Variants in MAPK10 observed in about 807,000 individuals in gnomAD.
The protein encoded by MAPK10 is mitogen-activated protein kinase 10.
A neutral mutation model predicts 59.3 loss-of-function variants in MAPK10; 25 were observed. That is an observed-to-expected ratio of 0.42 (90% CI 0.31 to 0.59). The LOEUF is 0.59. Ranked by LOEUF, MAPK10 falls within the 20% of genes least tolerant of loss-of-function variation. The pLI, the probability that MAPK10 is intolerant of heterozygous loss-of-function variation, is 0.15. For synonymous variants in MAPK10, 190 were observed against 200.5 expected (o/e 0.95, Z 0.44); for missense variants, 351 against 568.9 (o/e 0.62, Z 3.90).
chr4:86,137,436 T>G (rs2149164652), intron 4 of MAPK10, among the ~76,000 whole-genome samples: 1 of 136,590 alleles, frequency 7.3e-6, no homozygotes, highest in Non-Finnish European at 1.5e-5. Flanking sequence ...GAATGACTAC[T>G]GGGTACATAA....
chr4:86,102,182 C>A, intron 6 of MAPK10, 150 bp from the exon 7 acceptor site: 3 of 679,430 alleles, frequency 4.4e-6, no homozygotes, highest in Non-Finnish European at 7.7e-6. Context: ...CCAGGTATTG[C>A]ATGTGTGTTA....
chr4:86,478,974 C>T (rs995546839), intron 1 of MAPK10, among the ~76,000 whole-genome samples: 4 of 152,192 alleles, frequency 2.6e-5, no homozygotes, highest in South Asian at 2.1e-4. Flanking sequence ...CCCTTCCCTA[C>T]ACATGAAGCT....
chr4:86,501,965 A>G (rs1279830395), intron 1 of MAPK10, among the ~76,000 whole-genome samples: 1 of 152,104 alleles, frequency 6.6e-6, no homozygotes, highest in African/African-American at 2.4e-5. Flanking sequence ...AGTAAAGACT[A>G]TTATGGAAAT....
At chr4:86,447,238 T>A (rs1286359238) in intron 1 of MAPK10, among the ~76,000 whole-genome samples, 2 of 152,072 alleles carry the variant, frequency 1.3e-5, no homozygotes, top group African/African-American at 4.8e-5. Flanking sequence ...ATCTGATGGT[T>A]TTTTAAGGGG....
At chr4:86,028,745 C>T (rs10004712) in intron 13 of MAPK10, 37,064 of 183,656 alleles carry the variant, frequency 0.2, 4,638 homozygotes, top group African/African-American at 0.35. Flanking sequence ...CCAAGCTGAC[C>T]TTAACCGGAG....
intron 1 of MAPK10, among the ~76,000 whole-genome samples, chr4:86,381,121 T>C (rs1740641071): frequency 6.6e-6 from 1 of 152,188 alleles, no homozygotes; most frequent in Non-Finnish European, 1.5e-5. Context: ...TGGAGACTTG[T>C]CTTCTCTTGG....
At chr4:86,377,853 C>A (rs916781658) in intron 1 of MAPK10, among the ~76,000 whole-genome samples, 1 of 152,092 alleles carries the variant, frequency 6.6e-6, no homozygotes, top group Non-Finnish European at 1.5e-5. Context: ...GGGCAGGAAG[C>A]ATCCAGCACA....
intron 3 of MAPK10, among the ~76,000 whole-genome samples, chr4:86,174,548 A>G (rs1397149583): frequency 1.3e-5 from 2 of 152,186 alleles, no homozygotes; most frequent in African/African-American, 2.4e-5. Context: ...TCATCATGGC[A>G]CATATTTACC....
At chr4:86,023,848 TATAA>T (rs1748745951) in intron 13 of MAPK10, 4 of 104,726 alleles carry the variant, frequency 3.8e-5, no homozygotes, top group East Asian at 3.4e-4. Flanking sequence ...TATATATATA[TATAA>T]AATGAATGTT....
At chr4:86,281,165 C>T (rs1563939159) in intron 2 of MAPK10, among the ~76,000 whole-genome samples, 2 of 152,072 alleles carry the variant, frequency 1.3e-5, no homozygotes, top group Admixed American at 1.3e-4. Context: ...CTAACCACAA[C>T]CATGCTGTGT....
At chr4:86,070,671 T>G (rs2149001104) in intron 9 of MAPK10, among the ~76,000 whole-genome samples, 1 of 151,312 alleles carries the variant, frequency 6.6e-6, no homozygotes, top group South Asian at 2.1e-4. Flanking sequence ...AATAGTTTAC[T>G]GAGAATGATG....
At chr4:86,337,095 G>A (rs138059753) in intron 2 of MAPK10, among the ~76,000 whole-genome samples, 1 of 152,056 alleles carries the variant, frequency 6.6e-6, no homozygotes, top group African/African-American at 2.4e-5. Context: ...GGCCAGGAAT[G>A]ATTTTTTAAT....
intron 4 of MAPK10, among the ~76,000 whole-genome samples, chr4:86,145,193 G>A (rs1161261114): frequency 6.6e-6 from 1 of 151,488 alleles, no homozygotes. Flanking sequence ...AGATTTCTTG[G>A]TCCATTCAAA....
chr4:86,060,130 G>A (rs1466195166), intron 11 of MAPK10, among the ~76,000 whole-genome samples: 1 of 152,162 alleles, frequency 6.6e-6, no homozygotes, highest in East Asian at 1.9e-4. Context: ...CCATCTTAGG[G>A]GATGGTTCTA....
At chr4:86,299,886 AT>A (rs2095436258) in intron 2 of MAPK10, among the ~76,000 whole-genome samples, 2 of 151,602 alleles carry the variant, frequency 1.3e-5, no homozygotes, top group African/African-American at 2.4e-5. Flanking sequence ...TACCTTTCTT[AT>A]TTTTTTTCTT....
intron 1 of MAPK10, among the ~76,000 whole-genome samples, chr4:86,409,460 G>A (rs1744839554): frequency 6.6e-6 from 1 of 152,056 alleles, no homozygotes; most frequent in Non-Finnish European, 1.5e-5. Context: ...AGCTTGATGG[G>A]GATAGCATTG....
At chr4:86,022,423 G>A (rs1747673826) in intron 13 of MAPK10, among the ~76,000 whole-genome samples, 1 of 152,046 alleles carries the variant, frequency 6.6e-6, no homozygotes, top group Admixed American at 6.6e-5. Context: ...AGCTCCTTTG[G>A]CCATTTTTTA....
intron 2 of MAPK10, among the ~76,000 whole-genome samples, chr4:86,303,404 T>C (rs990429932): frequency 6.6e-6 from 1 of 152,148 alleles, no homozygotes; most frequent in African/African-American, 2.4e-5. Context: ...ATGTGCTATA[T>C]GCTTGGCAAA....
At chr4:86,309,793 C>T (rs573686554) in intron 2 of MAPK10, among the ~76,000 whole-genome samples, 1 of 152,088 alleles carries the variant, frequency 6.6e-6, no homozygotes, top group Non-Finnish European at 1.5e-5. Flanking sequence ...AAGCAGTGCC[C>T]GGCATGTAGC....
Sources: allele counts gnomAD v4.1 joint callset (sites outside exome capture counted in the v4.1 genomes callset), GRCh38; gene constraint gnomAD v4.1.1; transcripts MANE v1.5; gene names NCBI Gene and HGNC (gene_info 2026-07-23, HGNC 2026-07-21).